The following ELFN2 variants were observed in gnomAD, a reference collection of about 807,000 sequenced individuals.
ELFN2 encodes extracellular leucine rich repeat and fibronectin type III domain containing 2, also known as protein phosphatase 1 regulatory subunit 29.
Under a neutral mutation model 45.5 loss-of-function variants are expected in ELFN2, and 17 were observed. The ratio of observed to expected loss-of-function variants is 0.37; its 90% CI spans 0.26 to 0.56. The LOEUF is 0.56. Among genes scored for constraint, ELFN2 ranks in the 20% least tolerant of loss-of-function variants. ELFN2 has a pLI of 0.77. For missense variants in ELFN2, 922 were observed against 1,183.2 expected (o/e 0.78, Z 3.24); for synonymous variants, 550 against 551.5 (o/e 1.00, Z 0.04).
At chr22:37,400,233 C>T (rs1932329473) in intron 2 of ELFN2, among the ~76,000 whole-genome samples, 1 of 152,026 alleles carries the variant, frequency 6.6e-6, no homozygotes, top group East Asian at 1.9e-4. Context: ...CTACCCCCAT[C>T]CCACCCCACT....
At position 37,375,744 on chromosome 22, in the gene ELFN2, G is replaced by T; in HGVS notation, c.-210C>A. 1 of 626,362 alleles carries T rather than the reference G, an allele frequency of 1.6e-6. No individual in the cohort carries two copies. The highest frequency in any genetic ancestry group is 2.8e-6 in the Non-Finnish European group (1 of 363,030). The allele number at this position is 626,362 out of a possible 1,614,324, so 38.8% of individuals were successfully genotyped here. On this transcript the variant is annotated 5_prime_UTR_variant, in exon 3 of 3. Transcript: ENST00000402918. The stretch of plus-strand genomic sequence containing the variant: ...AGGCACTAGGCCTGGCTAGGGCTGG[G>T]GGTGGGGGCCCCACAGCCTGCTCCC...
chr22:37,377,665 G>A (rs1321225546), intron 2 of ELFN2, among the ~76,000 whole-genome samples: 2 of 152,344 alleles, frequency 1.3e-5, no homozygotes, highest in African/African-American at 4.8e-5. Flanking sequence ...ACTAAAGGCT[G>A]ATGCTACGTC....
At chr22:37,403,050 A>G (rs1932404488) in intron 2 of ELFN2, among the ~76,000 whole-genome samples, 1 of 151,988 alleles carries the variant, frequency 6.6e-6, no homozygotes, top group African/African-American at 2.4e-5. Context: ...CGAGCAGAAA[A>G]AGCCATAGCC....
rs372255832 is a variant in ELFN2 at position 37,375,436 on chromosome 22, G to A, written c.99C>T (p.Tyr33=). Residue 33 remains tyrosine (Y), a synonymous_variant, in exon 3 of 3, where the codon TAC becomes TAT. Coordinates refer to ENST00000402918, the MANE Select transcript of ELFN2 (RefSeq NM_052906.5). ...TCTGGCTGCAGATGGCCAGCCACAC[G>A]TAGCCCTTGTCGCCCTCAATGAGCC... is the stretch of plus-strand genomic sequence containing the variant. The part of the protein sequence containing the change: ...DCWLIEGDKG[Y]VWLAICSQNQ... 96 of 1,613,666 alleles carry A rather than the reference G, an allele frequency of 5.9e-5. No individual in the cohort carries two copies. Among genetic ancestry groups the A allele is most frequent in the Admixed American group, 8.3e-5 (5 of 59,958 alleles).
intron 2 of ELFN2, among the ~76,000 whole-genome samples, chr22:37,394,377 A>G (rs1395697321): frequency 1.3e-5 from 2 of 152,064 alleles, no homozygotes; most frequent in East Asian, 1.9e-4. Context: ...CTCTTTCTTA[A>G]TACCCTTTCA....
At chr22:37,358,270 A>C (rs1194264888) in intron 1 of ELFN2, among the ~76,000 whole-genome samples, 1 of 152,194 alleles carries the variant, frequency 6.6e-6, no homozygotes, top group African/African-American at 2.4e-5. Context: ...CCCAGTCTCC[A>C]GGAAGTAGGA....
At chr22:37,387,309 C>CA (rs1931974899) in intron 2 of ELFN2, among the ~76,000 whole-genome samples, 1 of 152,212 alleles carries the variant, frequency 6.6e-6, no homozygotes, top group Non-Finnish European at 1.5e-5. Flanking sequence ...CGAATTATCT[C>CA]AGCGTGACAG....
intron 2 of ELFN2, among the ~76,000 whole-genome samples, chr22:37,405,127 C>G (rs1406916084): frequency 7.1e-6 from 1 of 141,572 alleles, no homozygotes; most frequent in Admixed American, 7.4e-5. Context: ...CGGAGTCTCG[C>G]TCTTGCCCAG....
chr22:37,350,211 C>T lies in ELFN2; in HGVS notation n.149-7508G>A, dbSNP rs528754906. ...GCAACGGCGAAACCCCCATGTGGGC[C>T]GAGTTTGTCTACAGTTTGTCTAGAA... On this transcript the variant is annotated intron_variant and non_coding_transcript_variant, in intron 1 of 2. Transcript: ENST00000452946. Among the ~76,000 whole-genome samples the T allele has an allele frequency of 4.3e-4, 65 of 150,924 alleles. 2 individuals carry two copies. The highest frequency in any genetic ancestry group is 1.5e-3 in the African/African-American group (63 of 41,432).
intron 1 of ELFN2, chr22:37,420,442 C>G (rs1489618952): frequency 1.3e-5 from 2 of 153,186 alleles, no homozygotes; most frequent in African/African-American, 4.8e-5. Context: ...TTCGCCGCTT[C>G]TCTGCCCTCA....
At chr22:37,387,522 G>C (rs867820333) in intron 2 of ELFN2, among the ~76,000 whole-genome samples, 1 of 151,954 alleles carries the variant, frequency 6.6e-6, no homozygotes, top group Non-Finnish European at 1.5e-5. Context: ...CTAAGCTTCT[G>C]CCTTCAGGTG....
rs1409178227 is a variant in ELFN2, at chr22:37,374,628, G to A, written c.907C>T (p.His303Tyr). 6.2e-7 allele frequency: 1 copy of A among 1,614,134 alleles called. No individual in the cohort carries two copies. Among genetic ancestry groups the A allele is most frequent in the Middle Eastern group, 1.6e-4 (1 of 6,062 alleles). ...AGGGTGGCCGAGGTGAACGTGACGT[G>A]GTGCAGCTTGATGGCTGGCCCTGCC... Reference protein sequence around the residue: ...ASAGPAIKLHHVTFTSATLVV... With the variant: ...ASAGPAIKLHYVTFTSATLVV... The change falls in exon 3 of 3, where the codon CAC becomes TAC. Residue 303 changes from histidine (H) to tyrosine (Y), a missense_variant. Physicochemically the swap from His to Tyr is moderately conservative, Grantham distance 83 (BLOSUM62 2). Transcript: ENST00000402918.
At chr22:37,367,360 G>A (rs530333498), downstream of ELFN2, among the ~76,000 whole-genome samples, 2 of 152,324 alleles carry the variant, frequency 1.3e-5, no homozygotes, top group South Asian at 2.1e-4. Flanking sequence ...AGAGAGGATC[G>A]CTTCCCAGCC....
chr22:37,347,977 G>A (rs1463955871), intron 1 of ELFN2, among the ~76,000 whole-genome samples: 4 of 152,220 alleles, frequency 2.6e-5, no homozygotes, highest in African/African-American at 9.6e-5. Flanking sequence ...GATCTCTTGT[G>A]AAGGTGGGAG....
intron 2 of ELFN2, among the ~76,000 whole-genome samples, chr22:37,382,613 G>C (rs1931821639): frequency 1.4e-5 from 2 of 142,528 alleles, no homozygotes; most frequent in South Asian, 2.3e-4. Context: ...GCAGTGGCAC[G>C]ATCTCGGCTC....
intron 2 of ELFN2, among the ~76,000 whole-genome samples, chr22:37,412,503 C>A (rs968560319): frequency 2.0e-5 from 3 of 152,038 alleles, no homozygotes; most frequent in Admixed American, 6.5e-5. Context: ...CAGGACTCTG[C>A]CCCAAGGGGC....
intron 2 of ELFN2, among the ~76,000 whole-genome samples, chr22:37,394,492 C>T (rs1932160173): frequency 6.6e-6 from 1 of 152,214 alleles, no homozygotes; most frequent in South Asian, 2.1e-4. Context: ...CCGCCCTCCT[C>T]CCGGGCAGCC....
intron 1 of ELFN2, among the ~76,000 whole-genome samples, chr22:37,358,656 G>T (rs2145620041): frequency 1.3e-5 from 2 of 152,314 alleles, no homozygotes; most frequent in Admixed American, 1.3e-4. Context: ...TACCATTTCT[G>T]GCAGGTGCCA....
intron 1 of ELFN2, among the ~76,000 whole-genome samples, chr22:37,346,035 A>C (rs1437585555): frequency 6.6e-6 from 1 of 152,070 alleles, no homozygotes; most frequent in South Asian, 2.1e-4. Flanking sequence ...ACGCTCACTA[A>C]CCTCTCTGGG....
Sources: allele counts gnomAD v4.1 joint callset (sites outside exome capture counted in the v4.1 genomes callset), GRCh38; gene constraint gnomAD v4.1.1; transcripts MANE v1.5; gene names NCBI Gene and HGNC (gene_info 2026-07-23, HGNC 2026-07-21).